GLCCI1: variants seen among roughly 807,000 people sequenced by gnomAD.
The protein encoded by GLCCI1 is glucocorticoid induced 1.
GLCCI1 carries 24 observed loss-of-function variants against 52.2 expected under a neutral mutation model. That is an observed-to-expected ratio of 0.46 (90% CI 0.33 to 0.65). The LOEUF is 0.65. Ranked by LOEUF, GLCCI1 falls within the 30% of genes least tolerant of loss-of-function variation. GLCCI1 has a pLI of 0.02. For synonymous variants in GLCCI1, 310 were observed against 276.5 expected, an observed-to-expected ratio of 1.12 and a Z score of -1.20; for missense variants, 704 against 701.5, an observed-to-expected ratio of 1.00 and a Z score of -0.04.
rs571726894 is a variant in GLCCI1, at chr7:8,023,588, C to CTTTTTTTTTTTTTTTTTTTTTTTTTTTTT, written c.696+1047_696+1048insTTTTTTTTTTTTTTTTTTTTTTTTTTTTT. ...AGATGGTCATCTAATCTCTGTTATT[C>CTTTTTTTTTTTTTTTTTTTTTTTTTTTTT]TTTTTTTTTTTTTTTTTTTTTTTTT... is the stretch of plus-strand genomic sequence containing the variant. On this transcript the variant is annotated intron_variant, in intron 3 of 7. Transcript: ENST00000223145. Among the ~76,000 whole-genome samples, 24 of 41,988 alleles carry CTTTTTTTTTTTTTTTTTTTTTTTTTTTTT rather than the reference C, an allele frequency of 5.7e-4. 7 individuals are homozygous for CTTTTTTTTTTTTTTTTTTTTTTTTTTTTT. Among genetic ancestry groups the CTTTTTTTTTTTTTTTTTTTTTTTTTTTTT allele is most frequent in the East Asian group, 1.7e-3 (3 of 1,718 alleles). 27.5% of individuals were successfully genotyped at this position (41,988 alleles called of 152,430 possible). A position where few individuals can be genotyped will look rare whatever the true frequency, so the allele number is the denominator to read the frequency against.
At position 8,085,622 on chromosome 7, in the gene GLCCI1, TAGA is replaced by T. The variant is rs1783089422; in HGVS notation, c.1299-568_1299-566del. On this transcript the variant is annotated intron_variant, in intron 7 of 7. Coordinates refer to ENST00000223145, the MANE Select transcript of GLCCI1 (RefSeq NM_138426.4). ...TGGAGGGTGCAGTGCTCTTGCAACA[TAGA>T]AGGACCCATCTTGCAGGAGCTGATG... Among the ~76,000 whole-genome samples, 3 of 152,150 alleles carry T rather than the reference TAGA, an allele frequency of 2.0e-5. No homozygotes were observed. In the South Asian group the frequency reaches 6.2e-4, roughly 32 times the overall value.
intron 1 of GLCCI1, among the ~76,000 whole-genome samples, chr7:7,971,818 G>T (rs1164209602): frequency 2.0e-5 from 3 of 152,200 alleles, no homozygotes. Context: ...ACACTTTTCT[G>T]AGTCTGGTTG....
At position 8,031,852 on chromosome 7, in the gene GLCCI1, G is replaced by C. The variant is rs140494884; in HGVS notation, c.696+9283G>C. On this transcript the variant is annotated intron_variant, in intron 3 of 7. Coordinates refer to ENST00000223145, the MANE Select transcript of GLCCI1 (RefSeq NM_138426.4). ...CAATAAAGATAACTGAAGAGAAATA[G>C]GAAAGTTTCATAATAATAAAAAGGT... Among the ~76,000 whole-genome samples, 1,208 of 151,890 alleles carry C rather than the reference G, an allele frequency of 8.0e-3. 27 individuals are homozygous for C. Among genetic ancestry groups the C allele is most frequent in the Non-Finnish European group, 8.9e-3 (607 of 67,872 alleles).
intron 3 of GLCCI1, among the ~76,000 whole-genome samples, chr7:8,052,133 C>G (rs942719369): frequency 1.3e-5 from 2 of 151,982 alleles, no homozygotes; most frequent in African/African-American, 4.8e-5. Flanking sequence ...AGGGCAGTGT[C>G]TTTCAGTGAA....
At chr7:7,980,559 T>A in intron 1 of GLCCI1, 1 of 574,282 alleles carries the variant, frequency 1.7e-6, no homozygotes, top group South Asian at 2.3e-5. Context: ...CTGTTGATCC[T>A]ACAGGGACTG....
chr7:8,006,346 T>G (rs886743865), intron 2 of GLCCI1, among the ~76,000 whole-genome samples: 1 of 151,982 alleles, frequency 6.6e-6, no homozygotes. Context: ...AATGCCAGAG[T>G]AGGAGACCCT....
rs1783145086 is a variant in GLCCI1, at chr7:8,087,615, C to CTT, written c.*1079_*1080dup. On this transcript the variant is annotated 3_prime_UTR_variant, in exon 8 of 8. Transcript: ENST00000223145. ...ATATTTAGTTTCTCCCTTGGAAATT[C>CTT]TTTATTTTGCAGGTGAAAAAGTGAC... The CTT allele has an allele frequency of 6.6e-6, 1 of 152,102 alleles. No individual in the cohort carries two copies. The highest frequency in any genetic ancestry group is 6.6e-5 in the Admixed American group (1 of 15,260). 9.4% of individuals were successfully genotyped at this position (152,102 alleles called of 1,614,324 possible).
intron 1 of GLCCI1, among the ~76,000 whole-genome samples, chr7:7,971,483 G>C (rs1241684811): frequency 6.6e-6 from 1 of 152,224 alleles, no homozygotes; most frequent in African/African-American, 2.4e-5. Context: ...GGATTTTCTT[G>C]TAGGGACTAA....
At chr7:8,057,573 G>A (rs1198548067) in intron 4 of GLCCI1, among the ~76,000 whole-genome samples, 1 of 151,694 alleles carries the variant, frequency 6.6e-6, no homozygotes, top group Middle Eastern at 3.2e-3. Context: ...GGATGATAGA[G>A]GGTTCTAAAA....
At chr7:7,993,549 G>C (rs1780885051) in intron 1 of GLCCI1, among the ~76,000 whole-genome samples, 1 of 152,072 alleles carries the variant, frequency 6.6e-6, no homozygotes, top group Non-Finnish European at 1.5e-5. Flanking sequence ...TCCCAGTTTG[G>C]CTACTATTCT....
intron 2 of GLCCI1, among the ~76,000 whole-genome samples, chr7:8,020,318 T>C (rs1781458402): frequency 6.6e-6 from 1 of 152,236 alleles, no homozygotes; most frequent in Admixed American, 6.5e-5. Context: ...AGGTATACCA[T>C]CCATCATTGA....
At chr7:8,008,271 G>C (rs1002257004) in intron 2 of GLCCI1, among the ~76,000 whole-genome samples, 26 of 150,660 alleles carry the variant, frequency 1.7e-4, no homozygotes, top group African/African-American at 6.1e-4. Context: ...ATTTCTGTAA[G>C]TTAAATGTTG....
chr7:8,011,964 C>T (rs184666157), intron 2 of GLCCI1, among the ~76,000 whole-genome samples: 4,056 of 151,964 alleles, frequency 0.027, 181 homozygotes, highest in African/African-American at 0.09. Flanking sequence ...TGCAGGCACA[C>T]GCCACCACGC....
intron 2 of GLCCI1, among the ~76,000 whole-genome samples, chr7:8,017,638 G>C (rs1386234747): frequency 1.3e-5 from 2 of 152,056 alleles, no homozygotes; most frequent in Non-Finnish European, 2.9e-5. Context: ...GTTGGAGCTT[G>C]ATAAAAAATT....
At position 7,968,837 on chromosome 7, in the gene GLCCI1, CG is replaced by C. The variant is rs1459018481; in HGVS notation, c.-512del. 6.2e-6 allele frequency: 1 copy of C among 160,924 alleles called. No individual in the cohort carries two copies. Among genetic ancestry groups the C allele is most frequent in the East Asian group, 1.8e-4 (1 of 5,416 alleles). The allele number at this position is 160,924 out of a possible 1,614,324, so 10.0% of individuals were successfully genotyped here. A position where few individuals can be genotyped will look rare whatever the true frequency, so the allele number is the denominator to read the frequency against. ...GAGGAGTGGGTAGAAGCGGCGGCGG[CG>C]GCGGCGGCGTTTGCGGTGGCGCGGA... On this transcript the variant is annotated 5_prime_UTR_variant, in exon 1 of 8. Coordinates refer to ENST00000223145, the MANE Select transcript of GLCCI1 (RefSeq NM_138426.4).
intron 6 of GLCCI1, among the ~76,000 whole-genome samples, chr7:8,072,871 G>T (rs1165302185): frequency 6.6e-6 from 1 of 152,092 alleles, no homozygotes; most frequent in East Asian, 1.9e-4. Context: ...GAACCAAAAA[G>T]AAAATGTATT....
intron 5 of GLCCI1, among the ~76,000 whole-genome samples, chr7:8,060,460 A>G (rs1782488934): frequency 6.6e-6 from 1 of 152,188 alleles, no homozygotes; most frequent in Non-Finnish European, 1.5e-5. Flanking sequence ...CCAAAAAGAA[A>G]CATTTTATCC....
chr7:7,990,359 A>T (rs150818835), intron 1 of GLCCI1, among the ~76,000 whole-genome samples: 37 of 152,284 alleles, frequency 2.4e-4, no homozygotes, highest in African/African-American at 8.7e-4. Context: ...ACTGAAGCAC[A>T]GTTCAATCGG....
chr7:8,080,953 G>T (rs543331928), intron 6 of GLCCI1, among the ~76,000 whole-genome samples: 1 of 151,338 alleles, frequency 6.6e-6, no homozygotes, highest in Admixed American at 6.6e-5. Context: ...GTGGTTACAG[G>T]CGTAAGCCAC....
Sources: allele counts gnomAD v4.1 joint callset (sites outside exome capture counted in the v4.1 genomes callset), GRCh38; gene constraint gnomAD v4.1.1; transcripts MANE v1.5; gene names NCBI Gene and HGNC (gene_info 2026-07-23, HGNC 2026-07-21).